ZFHX3: variants seen among roughly 807,000 people sequenced by gnomAD.
ZFHX3 encodes the protein zinc finger homeobox 3, also known as zinc finger homeobox protein 3.
A neutral mutation model predicts 279.1 loss-of-function variants in ZFHX3; 42 were observed. That is an observed-to-expected ratio of 0.15 (90% CI 0.12 to 0.19). ZFHX3 has a LOEUF of 0.19. ZFHX3 is among the 10% of genes least tolerant of loss of function. ZFHX3 has a pLI of 1.00. For synonymous variants in ZFHX3, 2,293 were observed against 1,957.8 expected, an observed-to-expected ratio of 1.17 and a Z score of -4.52; for missense variants, 4,981 against 4,754.0, an observed-to-expected ratio of 1.05 and a Z score of -1.40.
chr16:72,939,745 G>A (rs143621880), intron 3 of ZFHX3, among the ~76,000 whole-genome samples: 217 of 152,282 alleles, frequency 1.4e-3, no homozygotes, highest in African/African-American at 4.6e-3. Flanking sequence ...AAAATTAGCC[G>A]GGTATGGTGG....
intron 2 of ZFHX3, among the ~76,000 whole-genome samples, chr16:73,514,050 C>A (rs1291483412): frequency 6.6e-6 from 1 of 152,142 alleles, no homozygotes; most frequent in Admixed American, 6.5e-5. Flanking sequence ...AGATCAAGAC[C>A]TTCCTGGCTA....
intron 4 of ZFHX3, among the ~76,000 whole-genome samples, chr16:72,838,310 T>C (rs1350951858): frequency 6.6e-6 from 1 of 151,036 alleles, no homozygotes; most frequent in African/African-American, 2.4e-5. Context: ...AAAATGGGGA[T>C]TGTGTGGCAA....
chr16:73,407,712 A>T (rs2017389423), intron 3 of ZFHX3, among the ~76,000 whole-genome samples: 1 of 152,206 alleles, frequency 6.6e-6, no homozygotes, highest in Non-Finnish European at 1.5e-5. Flanking sequence ...AATGCAGGTT[A>T]AGTTGACTTT....
intron 1 of ZFHX3, among the ~76,000 whole-genome samples, chr16:73,768,424 T>C (rs1360505863): frequency 6.6e-6 from 1 of 152,206 alleles, no homozygotes; most frequent in Non-Finnish European, 1.5e-5. Context: ...TATTAATCAG[T>C]ATTTACTGAG....
chr16:73,340,995 T>C (rs532929820), intron 3 of ZFHX3, among the ~76,000 whole-genome samples: 169 of 152,290 alleles, frequency 1.1e-3, no homozygotes, highest in Non-Finnish European at 2.1e-3. Flanking sequence ...GAAAACTGTT[T>C]GCAATTTGTA....
chr16:73,673,948 C>T (rs1320854776), intron 2 of ZFHX3, among the ~76,000 whole-genome samples: 4 of 152,152 alleles, frequency 2.6e-5, no homozygotes, highest in Non-Finnish European at 5.9e-5. Context: ...ACCCCTAAGT[C>T]AGGTGACGAA....
chr16:73,123,432 A>G (rs1966524233), intron 7 of ZFHX3: 1 of 146,434 alleles, frequency 6.8e-6, no homozygotes, highest in African/African-American at 2.5e-5. Flanking sequence ...GATCCTGGAG[A>G]CACATAGCCT....
chr16:72,811,970 C>T lies in ZFHX3; in HGVS notation c.3598G>A (p.Gly1200Ser), dbSNP rs2036466391. Residue 1200 changes from glycine (G) to serine (S), a missense_variant, in exon 6 of 10, where the codon GGT (glycine) becomes AGT (serine). Coordinates refer to ENST00000268489, the MANE Select transcript of ZFHX3 (RefSeq NM_006885.4). ...GAAGAGAGGGGAGACTCTGAGCTACCTGGGAAGGAGATGCGTTTGGAGGTT... is the reference window on the plus strand; with the variant it reads ...GAAGAGAGGGGAGACTCTGAGCTACTTGGGAAGGAGATGCGTTTGGAGGTT... Reference protein sequence around the residue: ...PATSKRISFPGSSESPLSSKR... With the variant: ...PATSKRISFPSSSESPLSSKR... 1.2e-6 allele frequency: 2 copies of T among 1,614,184 alleles called. No individual in the cohort carries two copies. The highest frequency in any genetic ancestry group is 1.7e-6 in the Non-Finnish European group (2 of 1,180,036).
At chr16:73,111,784 C>T (rs933007947) in intron 7 of ZFHX3, among the ~76,000 whole-genome samples, 1 of 151,896 alleles carries the variant, frequency 6.6e-6, no homozygotes, top group Non-Finnish European at 1.5e-5. Flanking sequence ...GGGAGGGATT[C>T]GCCGTGCACC....
chr16:73,007,997 GA>G (rs1416166917), intron 1 of ZFHX3, among the ~76,000 whole-genome samples: 1 of 152,084 alleles, frequency 6.6e-6, no homozygotes, highest in Non-Finnish European at 1.5e-5. Flanking sequence ...AATTAAACAT[GA>G]TAGTGATTTG....
Position 73,432,482 on chromosome 16 carries a change from C to G in ZFHX3, c.-1291+23521G>C, listed in dbSNP as rs568397147. On this transcript the variant is annotated intron_variant, in intron 3 of 17. Transcript: ENST00000641206. ...CCCCTCTGAAAAGACTCTTGGGAAT[C>G]CTATGTGATCCACTGATCTAGTTGA... Among the ~76,000 whole-genome samples, 20 of 152,316 alleles carry G rather than the reference C, an allele frequency of 1.3e-4. No homozygotes were observed. In the South Asian group the frequency reaches 2.5e-3, roughly 19 times the overall value.
intron 2 of ZFHX3, among the ~76,000 whole-genome samples, chr16:73,627,251 G>C (rs919988209): frequency 6.6e-6 from 1 of 152,196 alleles, no homozygotes; most frequent in Non-Finnish European, 1.5e-5. Context: ...GTTAGAACTT[G>C]GGGACAGAGA....
intron 1 of ZFHX3, among the ~76,000 whole-genome samples, chr16:73,706,085 G>T (rs2053300190): frequency 6.6e-6 from 1 of 151,926 alleles, no homozygotes. Flanking sequence ...TGGGAGGATC[G>T]CTTGAGTCCA....
At chr16:73,553,884 A>C (rs964720205) in intron 2 of ZFHX3, among the ~76,000 whole-genome samples, 1 of 152,206 alleles carries the variant, frequency 6.6e-6, no homozygotes, top group African/African-American at 2.4e-5. Context: ...ATTGTATTTC[A>C]TCATCTGATC....
chr16:73,052,747 G>C (rs1041819846), upstream of ZFHX3, among the ~76,000 whole-genome samples: 2 of 152,160 alleles, frequency 1.3e-5, no homozygotes, highest in African/African-American at 4.8e-5. Flanking sequence ...AAAAAAATAG[G>C]ACAAATGTTT....
chr16:73,586,115 A>G (rs957171120), intron 2 of ZFHX3, among the ~76,000 whole-genome samples: 2 of 152,192 alleles, frequency 1.3e-5, no homozygotes, highest in African/African-American at 4.8e-5. Context: ...AAAGCCAGGC[A>G]TGGTGGCTCA....
At chr16:73,002,489 T>A (rs1963534391) in intron 1 of ZFHX3, among the ~76,000 whole-genome samples, 1 of 152,166 alleles carries the variant, frequency 6.6e-6, no homozygotes, top group African/African-American at 2.4e-5. Context: ...TATGCTGAGG[T>A]GTGATCTAAG....
intron 1 of ZFHX3, among the ~76,000 whole-genome samples, chr16:72,974,568 A>AAG (rs1380095683): frequency 1.3e-5 from 2 of 148,258 alleles, no homozygotes; most frequent in Non-Finnish European, 3.0e-5. Flanking sequence ...CTGATAGGGC[A>AAG]ACACACACAC....
chr16:73,887,655 T>TA (rs199875769), intron 1 of ZFHX3, among the ~76,000 whole-genome samples: 7,422 of 150,968 alleles, frequency 0.049, 384 homozygotes, highest in African/African-American at 0.13. Context: ...ACCAAAAAAT[T>TA]TAAAAAAAAT....
Sources: gnomAD v4.1 joint callset for allele counts (sites outside exome capture counted in the v4.1 genomes callset) on GRCh38, gnomAD v4.1.1 for gene constraint, MANE v1.5 for transcripts, NCBI Gene and HGNC (gene_info 2026-07-23, HGNC 2026-07-21) for gene names.